The following BTBD7 variants were observed in gnomAD, a reference collection of about 807,000 sequenced individuals.
BTBD7 encodes BTB/POZ domain-containing protein 7.
BTBD7 carries 38 observed loss-of-function variants against 99.9 expected under a neutral mutation model. That is an observed-to-expected ratio of 0.38 (90% CI 0.29 to 0.50). BTBD7 has a LOEUF of 0.50. Ranked by LOEUF, BTBD7 falls within the 20% of genes least tolerant of loss-of-function variation. The probability of loss-of-function intolerance (pLI) is 0.93; values close to 1 mark genes in which losing one functional copy is unlikely to be tolerated. For missense variants in BTBD7, 1,170 were observed against 1,394.6 expected (o/e 0.84, Z 2.57); for synonymous variants, 520 against 511.4 (o/e 1.02, Z -0.23).
intron 3 of BTBD7, among the ~76,000 whole-genome samples, chr14:93,266,104 T>G (rs956490302): frequency 9.2e-5 from 14 of 151,848 alleles, no homozygotes; most frequent in African/African-American, 2.9e-4. Flanking sequence ...GTTCTACATT[T>G]AAAGAAATCG....
rs1040539285 is a variant in BTBD7 at position 93,239,425 on chromosome 14, A to G, written c.*2848T>C. ...AGTAAAATGCCAGTTCCCATGGCCT[A>G]AATTTTATTTTATATATATATATGC... On this transcript the variant is annotated 3_prime_UTR_variant, in exon 11 of 11. Coordinates refer to ENST00000334746, the MANE Select transcript of BTBD7 (RefSeq NM_001002860.4). 1 of 151,984 alleles carries G rather than the reference A, an allele frequency of 6.6e-6. No individual in the cohort carries two copies. The highest frequency in any genetic ancestry group is 2.4e-5 in the African/African-American group (1 of 41,240). The allele number at this position is 151,984 out of a possible 1,614,324, so 9.4% of individuals were successfully genotyped here. A position where few individuals can be genotyped will look rare whatever the true frequency, so the allele number is the denominator to read the frequency against.
intron 10 of BTBD7, among the ~76,000 whole-genome samples, chr14:93,244,674 T>C (rs989864173): frequency 6.6e-6 from 1 of 151,576 alleles, no homozygotes; most frequent in Non-Finnish European, 1.5e-5. Flanking sequence ...AATAAATGAA[T>C]AAATAAATAA....
At chr14:93,325,338 G>C (rs2053318135) in intron 1 of BTBD7, among the ~76,000 whole-genome samples, 2 of 151,898 alleles carry the variant, frequency 1.3e-5, no homozygotes, top group African/African-American at 4.8e-5. Flanking sequence ...TTGAACTCCT[G>C]ACCTCAGGTG....
chr14:93,263,453 T>A (rs899856486), intron 4 of BTBD7, among the ~76,000 whole-genome samples: 3 of 152,346 alleles, frequency 2.0e-5, no homozygotes, highest in South Asian at 4.1e-4. Flanking sequence ...CCACCAAAAG[T>A]AAGAAACCAC....
At position 93,296,079 on chromosome 14, in the gene BTBD7, T is replaced by G. The variant is rs745580372; in HGVS notation, c.-28A>C. On this transcript the variant is annotated 5_prime_UTR_variant, in exon 2 of 11. Transcript: ENST00000334746. Reference sequence around the variant, plus strand: ...TCTTCAGTCACTCAGGCATTCCGTCTGCGGGTTCTTCAGAGTATAATCCCA... The same window carrying G: ...TCTTCAGTCACTCAGGCATTCCGTCGGCGGGTTCTTCAGAGTATAATCCCA... 3 of 1,610,812 alleles carry G rather than the reference T, an allele frequency of 1.9e-6. No homozygotes were observed. The highest frequency in any genetic ancestry group is 2.5e-6 in the Non-Finnish European group (3 of 1,178,546).
At chr14:93,291,227 C>T (rs188637801) in intron 3 of BTBD7, among the ~76,000 whole-genome samples, 1 of 152,150 alleles carries the variant, frequency 6.6e-6, no homozygotes, top group Admixed American at 6.5e-5. Context: ...AGTTTAGCAG[C>T]TAACATTTAC....
intron 6 of BTBD7, among the ~76,000 whole-genome samples, chr14:93,254,654 T>A (rs946702463): frequency 1.3e-5 from 2 of 152,196 alleles, no homozygotes; most frequent in African/African-American, 4.8e-5. Context: ...GGCAAGGCAG[T>A]GCACAGCTAA....
At chr14:93,274,880 A>G (rs2052638466) in intron 3 of BTBD7, among the ~76,000 whole-genome samples, 1 of 152,242 alleles carries the variant, frequency 6.6e-6, no homozygotes, top group Admixed American at 6.5e-5. Flanking sequence ...CCTGGATTCC[A>G]GGTTACCTTT....
chr14:93,254,042 A>G lies in BTBD7; in HGVS notation c.1609-252T>C, dbSNP rs200767014. ...AACCTCCGTCTCCTGGATTCAAGCG[A>G]TTCTCCTGCCTCAGCCTCCCGAGTA... On this transcript the variant is annotated intron_variant, in intron 6 of 10. Coordinates refer to ENST00000334746, the MANE Select transcript of BTBD7 (RefSeq NM_001002860.4). Among the ~76,000 whole-genome samples, 25 of 151,642 alleles carry G rather than the reference A, an allele frequency of 1.6e-4. No individual in the cohort carries two copies. In the East Asian group the frequency reaches 4.7e-3, roughly 28 times the overall value.
At position 93,242,495 on chromosome 14, in the gene BTBD7, T is replaced by C. The variant is rs1428283346; in HGVS notation, c.3177A>G (p.Ala1059=). 2 of 1,614,116 alleles carry C rather than the reference T, an allele frequency of 1.2e-6. No individual in the cohort carries two copies. The highest frequency in any genetic ancestry group is 1.3e-5 in the African/African-American group (1 of 74,948). Reference sequence around the variant, plus strand: ...GCCCAAAAGTCAAGTCAGTTTCTACTGCAGTTCGTCCCCTGACATGGGCTG... The same window carrying C: ...GCCCAAAAGTCAAGTCAGTTTCTACCGCAGTTCGTCCCCTGACATGGGCTG... ...TGPAHVRGRT[A]VETDLTFGLT... is the part of the protein sequence containing the mutation. Residue 1059 remains alanine, a synonymous_variant, in exon 11 of 11, where the codon GCA becomes GCG. Transcript: ENST00000334746.
chr14:93,313,110 G>A (rs1402302191), intron 1 of BTBD7, among the ~76,000 whole-genome samples: 1 of 152,116 alleles, frequency 6.6e-6, no homozygotes, highest in Non-Finnish European at 1.5e-5. Context: ...TGTTAGTTTA[G>A]GTTCGGTTTT....
chr14:93,313,217 T>C (rs911648402), intron 1 of BTBD7, among the ~76,000 whole-genome samples: 1 of 152,206 alleles, frequency 6.6e-6, no homozygotes, highest in African/African-American at 2.4e-5. Context: ...GATTTCAAAT[T>C]ATAAGTAAGA....
chr14:93,245,839 ATGCTGCTGC>A lies in BTBD7; in HGVS notation c.2560_2568del (p.Ala854_Ala856del), dbSNP rs756424655. ...TGTTGACTTACCACTTGCTTCTCAG[ATGCTGCTGC>A]TGCTGCTGCTGTTGCTGTTGAGGTG... On this transcript the variant is annotated inframe_deletion, in exon 10 of 11. Coordinates refer to ENST00000334746, the MANE Select transcript of BTBD7 (RefSeq NM_001002860.4). 1.9e-6 allele frequency: 3 copies of A among 1,611,920 alleles called. No homozygotes were observed. The highest frequency in any genetic ancestry group is 1.7e-5 in the Admixed American group (1 of 59,942).
At chr14:93,270,738 A>G (rs1194815642) in intron 3 of BTBD7, among the ~76,000 whole-genome samples, 1 of 152,058 alleles carries the variant, frequency 6.6e-6, no homozygotes, top group African/African-American at 2.4e-5. Flanking sequence ...TCCTGGTAAC[A>G]GAAAAATTCC....
At position 93,242,065 on chromosome 14, in the gene BTBD7, C is replaced by CAAATT. The variant is rs2052236290; in HGVS notation, c.*203_*207dup. On this transcript the variant is annotated 3_prime_UTR_variant, in exon 11 of 11. Transcript: ENST00000334746. ...GCCTCCCGACATAATTGTTCAAAGA[C>CAAATT]AAATTAGACAGATGCAACATTAAAA... 1 of 537,110 alleles carries CAAATT rather than the reference C, an allele frequency of 1.9e-6. No individual in the cohort carries two copies. The highest frequency in any genetic ancestry group is 3.2e-6 in the Non-Finnish European group (1 of 308,322). The allele number at this position is 537,110 out of a possible 1,614,324, so 33.3% of individuals were successfully genotyped here. A position where few individuals can be genotyped will look rare whatever the true frequency, so the allele number is the denominator to read the frequency against.
At chr14:93,271,443 G>GT (rs999608564) in intron 3 of BTBD7, among the ~76,000 whole-genome samples, 1 of 152,152 alleles carries the variant, frequency 6.6e-6, no homozygotes, top group African/African-American at 2.4e-5. Flanking sequence ...AAACAAGATC[G>GT]TAAGTTTAGA....
chr14:93,269,519 C>T (rs143563905), intron 3 of BTBD7, among the ~76,000 whole-genome samples: 123 of 152,280 alleles, frequency 8.1e-4, no homozygotes, highest in Non-Finnish European at 1.2e-3. Flanking sequence ...GATCAGAATG[C>T]TTACTCATGG....
intron 4 of BTBD7, among the ~76,000 whole-genome samples, chr14:93,262,274 A>AG (rs1410351732): frequency 5.9e-5 from 9 of 152,130 alleles, no homozygotes; most frequent in Admixed American, 2.6e-4. Flanking sequence ...CTGGGACTAC[A>AG]GGCGCCCGCC....
At chr14:93,258,874 C>T (rs752318374) in intron 5 of BTBD7, among the ~76,000 whole-genome samples, 20 of 152,194 alleles carry the variant, frequency 1.3e-4, no homozygotes, top group Non-Finnish European at 2.2e-4. Flanking sequence ...CGTGAGCCAC[C>T]GTGCCTGGCC....
Sources: gnomAD v4.1 joint callset for allele counts (sites outside exome capture counted in the v4.1 genomes callset) on GRCh38, gnomAD v4.1.1 for gene constraint, MANE v1.5 for transcripts, NCBI Gene and HGNC (gene_info 2026-07-23, HGNC 2026-07-21) for gene names.